INTU: variants seen among roughly 807,000 people sequenced by gnomAD.
INTU encodes inturned planar cell polarity protein, also known as protein inturned.
INTU carries 68 observed loss-of-function variants against 100.5 expected under a neutral mutation model. That is an observed-to-expected ratio of 0.68 (90% CI 0.56 to 0.83). INTU has a LOEUF of 0.83. Ranked by LOEUF, INTU falls within the 40% of genes least tolerant of loss-of-function variation. The pLI, the probability that INTU is intolerant of heterozygous loss-of-function variation, is 0.00. For synonymous variants in INTU, 357 were observed against 395.7 expected (o/e 0.90, Z 1.16); for missense variants, 1,071 against 1,114.7 (o/e 0.96, Z 0.56).
rs1215920812 is a variant in INTU at position 127,674,162 on chromosome 4, C to T, written c.1130C>T (p.Ala377Val). 3 of 1,611,042 alleles carry T rather than the reference C, an allele frequency of 1.9e-6. No individual in the cohort carries two copies. Among genetic ancestry groups the T allele is most frequent in the African/African-American group, 1.3e-5 (1 of 74,790 alleles). ...LLLNGKQIHV[A>V]YWKESDKLLL... ...TTAAATGGAAAACAAATTCATGTGG[C>T]TTATTGGAAAGAATCTGACAAGTTG... is the stretch of plus-strand genomic sequence containing the variant. Residue 377 changes from alanine (A) to valine (V), a missense_variant, in exon 6 of 16, where the codon GCT (alanine) becomes GTT (valine). Ala to Val is a moderately conservative substitution (Grantham distance 64). Transcript: ENST00000335251.
At chr4:127,702,501 A>G (rs1466671503) in intron 9 of INTU, among the ~76,000 whole-genome samples, 3 of 152,142 alleles carry the variant, frequency 2.0e-5, no homozygotes, top group Admixed American at 2.0e-4. Flanking sequence ...CCAGGAATGG[A>G]CTACTACTCA....
chr4:127,651,865 T>C (rs1458031447), intron 2 of INTU, among the ~76,000 whole-genome samples: 1 of 151,578 alleles, frequency 6.6e-6, no homozygotes, highest in Non-Finnish European at 1.5e-5. Context: ...GGAATGTTCT[T>C]CCATTTGTTT....
At chr4:127,705,483 A>T in intron 10 of INTU, 108 bp from the exon 11 acceptor site, 1 of 820,516 alleles carries the variant, frequency 1.2e-6, no homozygotes, top group Non-Finnish European at 2.0e-6. Context: ...ATTTGAAACT[A>T]GAATATTCTA....
Position 127,718,886 on chromosome 4 carries a change from T to G in INTU, c.*2450T>G, listed in dbSNP as rs1249321114. On this transcript the variant is annotated 3_prime_UTR_variant, in exon 16 of 16. Transcript: ENST00000335251. ...TTATCAGCTTAAGAAGCTTTTGGGC[T>G]GAGACAATGGGGTTTTCTAGATATA... is the stretch of plus-strand genomic sequence containing the variant. 6.6e-6 allele frequency: 1 copy of G among 152,256 alleles called. No homozygotes were observed. The highest frequency in any genetic ancestry group is 1.5e-5 in the Non-Finnish European group (1 of 68,062). The allele number at this position is 152,256 out of a possible 1,614,324, so 9.4% of individuals were successfully genotyped here.
In INTU at chr4:127,656,664, C is replaced by G. The variant is rs751763248; in HGVS notation, c.711C>G (p.Val237=). ...IGDVLVAVND[V]DVTTENIERV... ...ATGTCCTTGTTGCTGTGAATGATGT[C>G]GATGTTACTACTGAAAACATCGAGA... The change falls in exon 3 of 16, where the codon GTC becomes GTG. Residue 237 remains valine (V), a synonymous_variant. Coordinates refer to ENST00000335251, the MANE Select transcript of INTU (RefSeq NM_015693.4). The G allele has an allele frequency of 6.2e-7, 1 of 1,610,018 alleles. No homozygotes were observed. The highest frequency in any genetic ancestry group is 8.5e-7 in the Non-Finnish European group (1 of 1,177,000).
intron 8 of INTU, among the ~76,000 whole-genome samples, chr4:127,698,123 A>G (rs951434346): frequency 1.3e-5 from 2 of 152,134 alleles, no homozygotes. Flanking sequence ...TATGTCCACA[A>G]AAGAAATCTA....
At chr4:127,668,482 T>C (rs529853806) in intron 4 of INTU, among the ~76,000 whole-genome samples, 1 of 151,904 alleles carries the variant, frequency 6.6e-6, no homozygotes. Flanking sequence ...TTTTTTCTTA[T>C]TATCTATATT....
intron 8 of INTU, among the ~76,000 whole-genome samples, chr4:127,690,875 A>C (rs1339019685): frequency 2.0e-5 from 3 of 151,950 alleles, no homozygotes; most frequent in Non-Finnish European, 2.9e-5. Flanking sequence ...CATCATTTAC[A>C]TTAGGGTTCA....
chr4:127,687,864 C>A lies in INTU; in HGVS notation c.1446C>A (p.Ile482=). ...GVRWLTLPLE[I]KMELDMALSD... ...GGTGGCTCACACTTCCACTGGAAAT[C>A]AAGGTAATCTTAGGTATTATAAAGC... is the stretch of plus-strand genomic sequence containing the variant. Residue 482 remains isoleucine, a synonymous_variant, in exon 8 of 16, where the codon ATC becomes ATA. Coordinates refer to ENST00000335251, the MANE Select transcript of INTU (RefSeq NM_015693.4). 6.3e-7 allele frequency: 1 copy of A among 1,575,130 alleles called. No individual in the cohort carries two copies. The highest frequency in any genetic ancestry group is 1.2e-5 in the South Asian group (1 of 84,340).
At chr4:127,660,516 C>G (rs1318940665) in intron 3 of INTU, among the ~76,000 whole-genome samples, 1 of 152,186 alleles carries the variant, frequency 6.6e-6, no homozygotes, top group Non-Finnish European at 1.5e-5. Context: ...CAGATTCTGA[C>G]AGCCTCCCCA....
chr4:127,653,834 C>T (rs964034835), intron 2 of INTU, among the ~76,000 whole-genome samples: 1 of 151,586 alleles, frequency 6.6e-6, no homozygotes, highest in Non-Finnish European at 1.5e-5. Flanking sequence ...TTAAAGTCTC[C>T]CATTATTAAT....
chr4:127,681,289 C>T (rs879733193), intron 6 of INTU, among the ~76,000 whole-genome samples: 25 of 152,138 alleles, frequency 1.6e-4, no homozygotes, highest in East Asian at 1.3e-3. Flanking sequence ...GAGGCCGCAT[C>T]GCCAAGTCAA....
intron 8 of INTU, among the ~76,000 whole-genome samples, chr4:127,692,817 C>A (rs1223854780): frequency 1.3e-5 from 2 of 152,046 alleles, no homozygotes; most frequent in Non-Finnish European, 2.9e-5. Context: ...TTGCCAACCA[C>A]CCCAGCACCA....
intron 2 of INTU, among the ~76,000 whole-genome samples, chr4:127,647,144 G>T (rs1727628851): frequency 6.6e-6 from 1 of 151,910 alleles, no homozygotes; most frequent in African/African-American, 2.4e-5. Flanking sequence ...TCCTTTTTTG[G>T]TGCATCACAA....
chr4:127,709,438 T>C (rs1461798716), intron 13 of INTU, among the ~76,000 whole-genome samples: 1 of 152,168 alleles, frequency 6.6e-6, no homozygotes, highest in Middle Eastern at 3.2e-3. Flanking sequence ...AACACTCTCT[T>C]TAGAAAATAG....
chr4:127,686,132 C>G (rs1311564110), intron 7 of INTU: 1 of 152,102 alleles, frequency 6.6e-6, no homozygotes, highest in Non-Finnish European at 1.5e-5. Context: ...AGTGTAGAGA[C>G]TTGATTATCT....
At chr4:127,710,201 A>G (rs1291349756) in intron 13 of INTU, among the ~76,000 whole-genome samples, 3 of 152,170 alleles carry the variant, frequency 2.0e-5, no homozygotes, top group Non-Finnish European at 4.4e-5. Flanking sequence ...CTATTTTAAA[A>G]GGTGCCAAAG....
chr4:127,665,035 A>C (rs1728634120), intron 4 of INTU, among the ~76,000 whole-genome samples: 3 of 151,780 alleles, frequency 2.0e-5, no homozygotes. Flanking sequence ...CTAAAGTGAA[A>C]CACTATCTTA....
In INTU at chr4:127,643,752, G is replaced by A. The variant is rs1431611932; in HGVS notation, c.378G>A (p.Lys126=). 1 of 1,612,972 alleles carries A rather than the reference G, an allele frequency of 6.2e-7. No individual in the cohort carries two copies. Among genetic ancestry groups the A allele is most frequent in the South Asian group, 1.1e-5 (1 of 90,886 alleles). The change falls in exon 2 of 16, where the codon AAG becomes AAA. Residue 126 remains lysine (K), a synonymous_variant. Transcript: ENST00000335251. ...KILRRKRLLP[K]RCNKKNSNDN... The stretch of plus-strand genomic sequence containing the variant: ...TAAGAAGGAAAAGACTTTTACCCAA[G>A]CGCTGCAATAAAAAAAATAGCAATG...
Sources: allele counts gnomAD v4.1 joint callset (sites outside exome capture counted in the v4.1 genomes callset), GRCh38; gene constraint gnomAD v4.1.1; transcripts MANE v1.5; gene names NCBI Gene and HGNC (gene_info 2026-07-23, HGNC 2026-07-21).